The following SGCD variants were observed in gnomAD, a reference collection of about 807,000 sequenced individuals.
The protein encoded by SGCD is sarcoglycan delta.
A neutral mutation model predicts 36.6 loss-of-function variants in SGCD; 18 were observed. The observed-to-expected ratio is 0.49, with a 90% CI of 0.34 to 0.73. SGCD has a LOEUF of 0.73. Ranked by LOEUF, SGCD falls within the 30% of genes least tolerant of loss-of-function variation. The pLI is 0.01. For missense variants in SGCD, 387 were observed against 346.7 expected (o/e 1.12, Z -0.92); for synonymous variants, 133 against 130.6 (o/e 1.02, Z -0.12).
chr5:156,423,090 AG>A (rs1773395568), intron 3 of SGCD, among the ~76,000 whole-genome samples: 1 of 143,240 alleles, frequency 7.0e-6, no homozygotes, highest in South Asian at 2.1e-4. Flanking sequence ...CCATTTCACG[AG>A]GGTCATTAGA....
At position 156,224,550 on chromosome 5, in the gene SGCD, T is replaced by G. The variant is rs74955563; in HGVS notation, c.-44+100531T>G. ...GTTTTTGTACCAATTGGCTGCATTTTAAGTTTACGAAATGGCAGTTTTATA... is the reference window on the plus strand; with the variant it reads ...GTTTTTGTACCAATTGGCTGCATTTGAAGTTTACGAAATGGCAGTTTTATA... On this transcript the variant is annotated intron_variant, in intron 3 of 9. Transcript: ENST00000517913. Among the ~76,000 whole-genome samples the G allele has an allele frequency of 2.9e-4, 44 of 152,310 alleles. No individual in the cohort carries two copies. The East Asian group carries it at 7.3e-3, about 25-fold the overall frequency.
intron 3 of SGCD, among the ~76,000 whole-genome samples, chr5:156,482,826 T>TTTG (rs1554107303): frequency 6.9e-6 from 1 of 145,428 alleles, no homozygotes; most frequent in African/African-American, 2.5e-5. Context: ...TTTTTTTTTT[T>TTTG]TTTTTTTTTT....
At chr5:156,028,004 A>G (rs1759262706) in intron 1 of SGCD, among the ~76,000 whole-genome samples, 1 of 152,160 alleles carries the variant, frequency 6.6e-6, no homozygotes, top group Non-Finnish European at 1.5e-5. Context: ...CTTTAATAAG[A>G]TGTGAATCCC....
At chr5:156,339,607 C>A (rs745406853) in intron 2 of SGCD, among the ~76,000 whole-genome samples, 8 of 152,062 alleles carry the variant, frequency 5.3e-5, no homozygotes, top group Non-Finnish European at 1.0e-4. Flanking sequence ...TAAAGTGAAT[C>A]ACATAAATGT....
chr5:156,361,486 T>C (rs1257873810), intron 3 of SGCD, among the ~76,000 whole-genome samples: 5 of 152,196 alleles, frequency 3.3e-5, no homozygotes, highest in African/African-American at 1.2e-4. Context: ...AAAGTTGTAA[T>C]AAAGATTAGA....
chr5:155,986,190 A>G (rs1486331317), intron 1 of SGCD, among the ~76,000 whole-genome samples: 2 of 152,158 alleles, frequency 1.3e-5, no homozygotes, highest in South Asian at 2.1e-4. Flanking sequence ...TGTTTAGTTC[A>G]GTTTACTCCT....
intron 3 of SGCD, among the ~76,000 whole-genome samples, chr5:156,146,298 A>T (rs988667670): frequency 6.6e-6 from 1 of 152,338 alleles, no homozygotes; most frequent in East Asian, 1.9e-4. Context: ...TCATCTTAGC[A>T]TACTACCTGG....
intron 6 of SGCD, among the ~76,000 whole-genome samples, chr5:156,638,728 TA>T (rs967048007): frequency 3.3e-5 from 5 of 152,212 alleles, no homozygotes; most frequent in Non-Finnish European, 7.3e-5. Flanking sequence ...AGTTTTGGCT[TA>T]ATGATACACT....
At chr5:156,602,649 A>G (rs918190898) in intron 6 of SGCD, among the ~76,000 whole-genome samples, 5 of 152,072 alleles carry the variant, frequency 3.3e-5, no homozygotes, top group African/African-American at 1.2e-4. Context: ...ATTTCTTGCA[A>G]TTGGATTTTG....
intron 1 of SGCD, among the ~76,000 whole-genome samples, chr5:155,890,422 C>T (rs1012194815): frequency 3.3e-5 from 5 of 151,876 alleles, no homozygotes; most frequent in African/African-American, 1.2e-4. Context: ...TTCAGGAGTT[C>T]GAGACCAGCC....
chr5:155,961,726 C>CT (rs1757793935), intron 1 of SGCD, among the ~76,000 whole-genome samples: 1 of 150,934 alleles, frequency 6.6e-6, no homozygotes, highest in African/African-American at 2.4e-5. Flanking sequence ...TTTTTTTTTT[C>CT]TTTTTTTACT....
At chr5:156,466,792 CA>C (rs1192456046) in intron 3 of SGCD, among the ~76,000 whole-genome samples, 1 of 151,608 alleles carries the variant, frequency 6.6e-6, no homozygotes, top group Non-Finnish European at 1.5e-5. Flanking sequence ...AAAATTATAC[CA>C]AAAAAAGAAC....
At chr5:156,251,622 C>G (rs1020203734) in intron 3 of SGCD, among the ~76,000 whole-genome samples, 5 of 151,928 alleles carry the variant, frequency 3.3e-5, no homozygotes, top group Non-Finnish European at 5.9e-5. Context: ...TCAAGCCATT[C>G]TCCTGCCTCA....
At chr5:156,051,982 T>A (rs1327806653) in intron 1 of SGCD, among the ~76,000 whole-genome samples, 1 of 146,258 alleles carries the variant, frequency 6.8e-6, no homozygotes, top group African/African-American at 2.5e-5. Context: ...GACAGGGTTC[T>A]TGTCCATCCC....
intron 3 of SGCD, among the ~76,000 whole-genome samples, chr5:156,484,446 C>G (rs533801348): frequency 6.6e-6 from 1 of 152,156 alleles, no homozygotes; most frequent in African/African-American, 2.4e-5. Flanking sequence ...CCGGCATTTA[C>G]GAATGGGTCT....
At chr5:156,206,702 A>T (rs983886949) in intron 3 of SGCD, among the ~76,000 whole-genome samples, 1 of 152,118 alleles carries the variant, frequency 6.6e-6, no homozygotes, top group African/African-American at 2.4e-5. Flanking sequence ...TAGATCTTGT[A>T]TACTATAAGT....
At chr5:155,803,253 G>A in the SGCD span, among the ~76,000 whole-genome samples, 28,704 of 152,138 alleles carry the variant, frequency 0.19, 3,661 homozygotes, top group Admixed American at 0.4. Context: ...TGGAAAAGCC[G>A]AAAGAGCAGC....
At chr5:155,791,081 G>A in the SGCD span, among the ~76,000 whole-genome samples, 4 of 152,112 alleles carry the variant, frequency 2.6e-5, no homozygotes, top group African/African-American at 7.2e-5. Context: ...TGTCAAAGAG[G>A]CTTTGAAATC....
At chr5:156,104,860 A>G (rs1305580848) in intron 1 of SGCD, among the ~76,000 whole-genome samples, 1 of 152,236 alleles carries the variant, frequency 6.6e-6, no homozygotes, top group Non-Finnish European at 1.5e-5. Context: ...AATGCCAGTT[A>G]GTATTTTTTT....
Sources: allele counts gnomAD v4.1 joint callset (sites outside exome capture counted in the v4.1 genomes callset), GRCh38; gene constraint gnomAD v4.1.1; transcripts MANE v1.5; gene names NCBI Gene and HGNC (gene_info 2026-07-23, HGNC 2026-07-21).